Variants in TUT4 observed in about 807,000 individuals in gnomAD.
TUT4 encodes the protein terminal uridylyl transferase 4.
TUT4 carries 36 observed loss-of-function variants against 192.2 expected under a neutral mutation model. The ratio of observed to expected loss-of-function variants is 0.19; its 90% CI spans 0.14 to 0.25. The LOEUF is 0.25. Among genes scored for constraint, TUT4 ranks in the 10% least tolerant of loss-of-function variants. The pLI, the probability that TUT4 is intolerant of heterozygous loss-of-function variation, is 1.00. For synonymous variants in TUT4, 618 were observed against 666.0 expected (o/e 0.93, Z 1.11); for missense variants, 1,493 against 1,957.2 (o/e 0.76, Z 4.47).
chr1:52,508,106 C>T (rs1393883794), intron 4 of TUT4, among the ~76,000 whole-genome samples: 1 of 152,110 alleles, frequency 6.6e-6, no homozygotes, highest in Non-Finnish European at 1.5e-5. Context: ...AGCCACTGCA[C>T]CCAGCCTAGG....
chr1:52,457,389 C>G (rs539701811), intron 20 of TUT4, among the ~76,000 whole-genome samples: 3 of 152,166 alleles, frequency 2.0e-5, no homozygotes, highest in African/African-American at 4.8e-5. Context: ...GCACGCACCA[C>G]CACGCCCGGC....
intron 16 of TUT4, 107 bp from the exon 17 acceptor site, chr1:52,461,876 T>C: frequency 1.5e-6 from 1 of 683,968 alleles, no homozygotes; most frequent in South Asian, 2.0e-5. Flanking sequence ...GCCATAAAGC[T>C]CTATAATAAC....
chr1:52,540,000 C>T (rs562494097), intron 1 of TUT4, among the ~76,000 whole-genome samples: 6 of 151,140 alleles, frequency 4.0e-5, no homozygotes, highest in East Asian at 3.9e-4. Flanking sequence ...GGGCAGATCA[C>T]GAGGTCAGGA....
chr1:52,489,150 G>GC (rs2149062660), intron 8 of TUT4, 115 bp from the exon 9 acceptor site: 3 of 1,043,484 alleles, frequency 2.9e-6, no homozygotes, highest in Non-Finnish European at 3.8e-6. Context: ...TACCGTAAAA[G>GC]CCCTAATAAA....
chr1:52,539,431 A>C (rs752628359), intron 1 of TUT4, among the ~76,000 whole-genome samples: 7 of 152,218 alleles, frequency 4.6e-5, no homozygotes, highest in Non-Finnish European at 1.0e-4. Context: ...GCAGGACACC[A>C]GTCTCACAAG....
At chr1:52,498,240 CTTTTTTTTTT>C (rs556089149) in intron 4 of TUT4, among the ~76,000 whole-genome samples, 186 of 119,424 alleles carry the variant, frequency 1.6e-3, no homozygotes, top group African/African-American at 5.7e-3. Context: ...AGTTTCAGTA[CTTTTTTTTTT>C]TTTTTTTTTT....
intron 1 of TUT4, among the ~76,000 whole-genome samples, chr1:52,532,648 G>A (rs1429544978): frequency 6.6e-6 from 1 of 152,074 alleles, no homozygotes; most frequent in Non-Finnish European, 1.5e-5. Context: ...TGAAAGGTAT[G>A]GATTTAGCTA....
intron 20 of TUT4, among the ~76,000 whole-genome samples, chr1:52,448,011 A>G (rs1264818066): frequency 3.3e-5 from 5 of 152,230 alleles, no homozygotes. Context: ...AAAATTAACT[A>G]CATGTCTGGC....
At chr1:52,506,406 A>G (rs974679326) in intron 4 of TUT4, among the ~76,000 whole-genome samples, 1 of 152,082 alleles carries the variant, frequency 6.6e-6, no homozygotes, top group Non-Finnish European at 1.5e-5. Context: ...ACTGGGAAGT[A>G]TTTCTCCTCT....
At chr1:52,471,804 A>T in intron 14 of TUT4, 148 bp downstream of exon 14, 2 of 787,482 alleles carry the variant, frequency 2.5e-6, no homozygotes, top group Non-Finnish European at 3.8e-6. Context: ...TGCACATAAT[A>T]GTCATTTAGT....
At chr1:52,464,597 A>T (rs1449225441) in intron 16 of TUT4, among the ~76,000 whole-genome samples, 1 of 152,166 alleles carries the variant, frequency 6.6e-6, no homozygotes, top group Non-Finnish European at 1.5e-5. Flanking sequence ...AAAAAATTTT[A>T]TGTGAGTGGT....
chr1:52,487,952 G>C (rs1557820873), intron 9 of TUT4, among the ~76,000 whole-genome samples: 1 of 152,150 alleles, frequency 6.6e-6, no homozygotes, highest in Non-Finnish European at 1.5e-5. Context: ...ATGGCAGCTG[G>C]TAATCAATGT....
chr1:52,469,100 ACT>A (rs1664975543), intron 14 of TUT4, among the ~76,000 whole-genome samples: 1 of 152,120 alleles, frequency 6.6e-6, no homozygotes, highest in Non-Finnish European at 1.5e-5. Flanking sequence ...TCTGTATGAC[ACT>A]CTAATGGTGG....
chr1:52,505,611 G>T (rs1383596982), intron 4 of TUT4, among the ~76,000 whole-genome samples: 1 of 151,750 alleles, frequency 6.6e-6, no homozygotes, highest in Admixed American at 6.6e-5. Flanking sequence ...TAGTGGAGAG[G>T]GGGTTTCGCC....
At chr1:52,541,680 A>AT (rs1247581490) in intron 1 of TUT4, among the ~76,000 whole-genome samples, 2 of 152,228 alleles carry the variant, frequency 1.3e-5, no homozygotes, top group Admixed American at 1.3e-4. Context: ...ATCAACAATG[A>AT]TTTTTTAGGT....
At chr1:52,455,425 T>C (rs2148606646) in intron 20 of TUT4, among the ~76,000 whole-genome samples, 1 of 151,512 alleles carries the variant, frequency 6.6e-6, no homozygotes, top group Non-Finnish European at 1.5e-5. Context: ...CTGAGCAACA[T>C]GGCAAAACCC....
rs541428395 is a variant in TUT4, at chr1:52,500,998, T to A, written c.1000-3815A>T. On this transcript the variant is annotated intron_variant, in intron 4 of 29. Coordinates refer to ENST00000257177, the MANE Select transcript of TUT4 (RefSeq NM_001009881.3). Reference sequence around the variant, plus strand: ...ACCGTAACTAAGAAATGTAAAATCATAGAACTCCTAGAAAAAAACAGAAGG... The same window carrying A: ...ACCGTAACTAAGAAATGTAAAATCAAAGAACTCCTAGAAAAAAACAGAAGG... Among the ~76,000 whole-genome samples, 239 of 152,212 alleles carry A rather than the reference T, an allele frequency of 1.6e-3. 2 individuals carry two copies. The highest frequency in any genetic ancestry group is 2.0e-3 in the Non-Finnish European group (134 of 68,008).
intron 20 of TUT4, among the ~76,000 whole-genome samples, chr1:52,453,378 G>A (rs529030463): frequency 7.3e-5 from 11 of 150,140 alleles, no homozygotes; most frequent in East Asian, 2.0e-4. Context: ...GCGAAACTCC[G>A]TCTCAAAAAA....
At chr1:52,433,934 G>T (rs866392482) in intron 27 of TUT4, 11 of 152,280 alleles carry the variant, frequency 7.2e-5, no homozygotes, top group African/African-American at 2.4e-4. Context: ...TGTACAGGGT[G>T]TTCAACTGAG....
Sources: allele counts gnomAD v4.1 joint callset (sites outside exome capture counted in the v4.1 genomes callset), GRCh38; gene constraint gnomAD v4.1.1; transcripts MANE v1.5; gene names NCBI Gene and HGNC (gene_info 2026-07-23, HGNC 2026-07-21).